The following LRPPRC variants were observed in gnomAD, a reference collection of about 807,000 sequenced individuals.
LRPPRC encodes the protein leucine-rich PPR motif-containing protein, mitochondrial.
In LRPPRC, 120 loss-of-function variants were observed where a neutral mutation model predicts 180.3. That is an observed-to-expected ratio of 0.67 (90% CI 0.57 to 0.77). The LOEUF is 0.77. Among genes scored for constraint, LRPPRC ranks in the 30% least tolerant of loss-of-function variants. The pLI is 0.00. For missense variants in LRPPRC, 2,012 were observed against 1,657.2 expected (o/e 1.21, Z -3.72); for synonymous variants, 723 against 600.0 (o/e 1.21, Z -3.00).
chr2:43,988,910 T>C (rs372949877), intron 1 of LRPPRC, among the ~76,000 whole-genome samples: 1 of 152,102 alleles, frequency 6.6e-6, no homozygotes, highest in Admixed American at 6.6e-5. Context: ...CATTCTGTTG[T>C]CCAGGCTGGA....
Position 43,925,945 on chromosome 2 carries a change from G to C in LRPPRC, c.2753C>G (p.Ala918Gly), listed in dbSNP as rs200292987. The C allele has an allele frequency of 1.2e-6, 2 of 1,608,802 alleles. No individual in the cohort carries two copies. The highest frequency in any genetic ancestry group is 1.7e-6 in the Non-Finnish European group (2 of 1,175,176). ...KKIIETPGIR[A>G]RSARLQWFCD... is the part of the protein sequence containing the mutation. ...AAACCACTGAAGCCTTGCAGATCGAGCTCTAATCCCTGGAGTCTGTAAAAT... is the reference window on the plus strand; with the variant it reads ...AAACCACTGAAGCCTTGCAGATCGACCTCTAATCCCTGGAGTCTGTAAAAT... The change falls in exon 26 of 38, where the codon GCT becomes GGT. Residue 918 changes from alanine to glycine, a missense_variant. Physicochemically the swap from Ala to Gly is moderately conservative, Grantham distance 60. Coordinates refer to ENST00000260665, the MANE Select transcript of LRPPRC (RefSeq NM_133259.4).
intron 30 of LRPPRC, among the ~76,000 whole-genome samples, chr2:43,911,322 T>G (rs1671247935): frequency 6.6e-6 from 1 of 151,820 alleles, no homozygotes; most frequent in Non-Finnish European, 1.5e-5. Flanking sequence ...ATACAGAACA[T>G]GTTTTTCAAC....
At position 43,957,457 on chromosome 2, in the gene LRPPRC, A is replaced by G. The variant is rs1461033747; in HGVS notation, c.1583-6T>C. 3 of 1,606,824 alleles carry G rather than the reference A, an allele frequency of 1.9e-6. No homozygotes were observed. Among genetic ancestry groups the G allele is most frequent in the Admixed American group, 3.3e-5 (2 of 59,984 alleles). On this transcript the variant is annotated splice_region_variant and splice_polypyrimidine_tract_variant and intron_variant, in intron 13 of 37. Coordinates refer to ENST00000260665, the MANE Select transcript of LRPPRC (RefSeq NM_133259.4). ...GGGCAATGTATTTGATTTCACTGCA[A>G]AAGAAAATGACCATCATTAAATCTC...
intron 30 of LRPPRC, among the ~76,000 whole-genome samples, chr2:43,909,609 AATTAAT>A (rs1403476786): frequency 4.0e-5 from 3 of 74,772 alleles, no homozygotes; most frequent in Non-Finnish European, 2.6e-5. Flanking sequence ...AAAAAAACCC[AATTAAT>A]AATAATAATA....
At position 43,958,755 on chromosome 2, in the gene LRPPRC, T is replaced by A. The variant is rs566591788; in HGVS notation, c.1583-1304A>T. Among the ~76,000 whole-genome samples the A allele has an allele frequency of 5.3e-5, 8 of 152,290 alleles. No homozygotes were observed. In the South Asian group the frequency reaches 1.7e-3, roughly 32 times the overall value. On this transcript the variant is annotated intron_variant, in intron 13 of 37. Transcript: ENST00000260665. ...TTTACTGTTCTCTACTACCTGACAT[T>A]TCCTGTGATGTAGTAACCAGTAGTG...
intron 25 of LRPPRC, among the ~76,000 whole-genome samples, chr2:43,927,276 T>C (rs1671912794): frequency 6.6e-6 from 1 of 152,240 alleles, no homozygotes; most frequent in Non-Finnish European, 1.5e-5. Flanking sequence ...TAAGTCCTCA[T>C]TATTTTTAAT....
At chr2:43,942,563 C>T (rs1471342761) in intron 23 of LRPPRC, among the ~76,000 whole-genome samples, 1 of 152,058 alleles carries the variant, frequency 6.6e-6, no homozygotes, top group Non-Finnish European at 1.5e-5. Context: ...TGTATTCACA[C>T]ATTTTTTTAA....
chr2:43,952,149 C>A (rs923766089), intron 14 of LRPPRC, among the ~76,000 whole-genome samples: 1 of 151,840 alleles, frequency 6.6e-6, no homozygotes, highest in African/African-American at 2.4e-5. Context: ...GCCAAGATCG[C>A]GCCACTGCAC....
intron 1 of LRPPRC, among the ~76,000 whole-genome samples, chr2:43,989,897 T>G (rs1248595086): frequency 3.3e-5 from 5 of 152,202 alleles, no homozygotes; most frequent in Admixed American, 1.3e-4. Context: ...TATGATGTTA[T>G]GTTTACAAAC....
At chr2:43,962,291 G>GTATA (rs1206267616) in intron 12 of LRPPRC, among the ~76,000 whole-genome samples, 1 of 152,124 alleles carries the variant, frequency 6.6e-6, no homozygotes, top group African/African-American at 2.4e-5. Context: ...AGTAAAATAT[G>GTATA]TATAGTACAG....
At chr2:43,904,157 GT>G (rs1355975473) in intron 31 of LRPPRC, among the ~76,000 whole-genome samples, 4 of 152,024 alleles carry the variant, frequency 2.6e-5, no homozygotes, top group Non-Finnish European at 4.4e-5. Context: ...GCCCAGGCTG[GT>G]CTTGAACTCC....
chr2:43,928,994 T>C (rs564786647), intron 25 of LRPPRC, among the ~76,000 whole-genome samples: 8 of 152,348 alleles, frequency 5.3e-5, no homozygotes, highest in Non-Finnish European at 1.0e-4. Context: ...TTTAATACTA[T>C]ATCATTATAA....
At chr2:43,974,322 G>C (rs377749025) in intron 8 of LRPPRC, 27 bp from the exon 9 acceptor site, 2 of 1,554,584 alleles carry the variant, frequency 1.3e-6, no homozygotes, top group Non-Finnish European at 1.8e-6. Flanking sequence ...GACATCTTTT[G>C]TTAATAAACT....
chr2:43,973,197 A>G (rs1673894376), intron 11 of LRPPRC, among the ~76,000 whole-genome samples: 1 of 152,222 alleles, frequency 6.6e-6, no homozygotes, highest in Admixed American at 6.5e-5. Flanking sequence ...TTAAAAAGAA[A>G]TAGATTGGCC....
chr2:43,934,566 A>T (rs1672204065), intron 24 of LRPPRC, among the ~76,000 whole-genome samples, 188 bp downstream of exon 24: 1 of 152,124 alleles, frequency 6.6e-6, no homozygotes, highest in Non-Finnish European at 1.5e-5. Flanking sequence ...CAAAATGAAC[A>T]GTTACTAAAA....
chr2:43,935,794 G>T (rs889975400), intron 23 of LRPPRC, among the ~76,000 whole-genome samples: 4 of 152,100 alleles, frequency 2.6e-5, no homozygotes, highest in Non-Finnish European at 5.9e-5. Flanking sequence ...AAAATAAAAG[G>T]ACAATGTTAG....
chr2:43,947,938 T>C (rs1672752188), intron 18 of LRPPRC, among the ~76,000 whole-genome samples, 163 bp from the exon 19 acceptor site: 1 of 152,122 alleles, frequency 6.6e-6, no homozygotes, highest in African/African-American at 2.4e-5. Flanking sequence ...GTAATTAACG[T>C]TATAAATATA....
chr2:43,969,093 A>C (rs553282722), intron 11 of LRPPRC, among the ~76,000 whole-genome samples: 52 of 152,348 alleles, frequency 3.4e-4, no homozygotes, highest in African/African-American at 1.2e-3. Context: ...AATTTCTCCA[A>C]GATCACAAGC....
chr2:43,890,383 A>G (rs1188127509), intron 36 of LRPPRC: 1 of 469,828 alleles, frequency 2.1e-6, no homozygotes, highest in East Asian at 6.9e-5. Flanking sequence ...ATAAACAAAT[A>G]TGGAAAGTAT....
Sources: gnomAD v4.1 joint callset for allele counts (sites outside exome capture counted in the v4.1 genomes callset) on GRCh38, gnomAD v4.1.1 for gene constraint, MANE v1.5 for transcripts, NCBI Gene and HGNC (gene_info 2026-07-23, HGNC 2026-07-21) for gene names.